The following BLM variants were observed in gnomAD, a reference collection of about 807,000 sequenced individuals.
BLM encodes the protein BLM RecQ like helicase.
A neutral mutation model predicts 135.3 loss-of-function variants in BLM; 95 were observed. That is an observed-to-expected ratio of 0.70 (90% confidence interval 0.59 to 0.83). The LOEUF (loss-of-function observed/expected upper bound fraction) is 0.83, where lower values mean the gene tolerates loss of function less well. BLM is among the 40% of genes least tolerant of loss of function. The probability of loss-of-function intolerance (pLI) is 0.00; values close to 1 mark genes in which losing one functional copy is unlikely to be tolerated. For synonymous variants in BLM, 520 were observed against 589.2 expected (o/e 0.88, Z 1.70); for missense variants, 1,518 against 1,663.9 (o/e 0.91, Z 1.53).
intron 19 of BLM, among the ~76,000 whole-genome samples, chr15:90,807,344 A>G (rs576534020): frequency 9.1e-4 from 138 of 152,264 alleles, no homozygotes; most frequent in Non-Finnish European, 1.7e-3. Flanking sequence ...GCGAGAAACT[A>G]TGGAATTGGG....
chr15:90,769,886 A>G (rs1896257805), intron 12 of BLM, among the ~76,000 whole-genome samples: 2 of 152,130 alleles, frequency 1.3e-5, no homozygotes, highest in Non-Finnish European at 2.9e-5. Context: ...GTAGGGATAA[A>G]TTGCATGCCA....
At chr15:90,790,465 A>G (rs1896875605) in intron 14 of BLM, 184 bp from the exon 15 acceptor site, 1 of 624,666 alleles carries the variant, frequency 1.6e-6, no homozygotes. Flanking sequence ...TGGCATTGCA[A>G]GTTATCAGTA....
intron 5 of BLM, among the ~76,000 whole-genome samples, chr15:90,756,755 G>C (rs1046008480): frequency 6.6e-6 from 1 of 152,186 alleles, no homozygotes; most frequent in African/African-American, 2.4e-5. Flanking sequence ...AGACACAAAA[G>C]ACTTGACTAT....
chr15:90,767,072 A>C (rs768315640), intron 10 of BLM, 49 bp downstream of exon 10: 1 of 1,204,810 alleles, frequency 8.3e-7, no homozygotes, highest in Non-Finnish European at 1.2e-6. Context: ...CCACTAGAAT[A>C]CATATATTTT....
intron 1 of BLM, among the ~76,000 whole-genome samples, chr15:90,722,128 G>A (rs1719100003): frequency 6.7e-6 from 1 of 149,782 alleles, no homozygotes; most frequent in Non-Finnish European, 1.5e-5. Context: ...CTTTTTTTTT[G>A]AGACAGAGTC....
chr15:90,747,496 T>G lies in BLM; in HGVS notation c.98+6T>G, dbSNP rs886051550. 1.4e-5 allele frequency: 22 copies of G among 1,573,828 alleles called. No homozygotes were observed. Among genetic ancestry groups the G allele is most frequent in the Non-Finnish European group, 1.7e-5 (19 of 1,148,590 alleles). On this transcript the variant is annotated splice_donor_region_variant and intron_variant, in intron 2 of 21. Transcript: ENST00000355112. ...CTTTCAAAACCAAAATTTTCGTAAG[T>G]GTTTTGACTGGTTTGCTGTCACATA...
rs754007141 is a variant in BLM, at chr15:90,767,023, G to T, written c.2307G>T (p.Lys769Asn). The T allele has an allele frequency of 1.3e-6, 2 of 1,505,518 alleles. No homozygotes were observed. The highest frequency in any genetic ancestry group is 4.5e-5 in the East Asian group (2 of 44,034). 93.3% of individuals were successfully genotyped at this position (1,505,518 alleles called of 1,614,324 possible). ...IIKLLYVTPE[K>N]ICASNRLIST... ...AACTTCTATATGTCACTCCAGAAAA[G>T]GTTTGTATTTATATCATTATTTTAA... is the stretch of plus-strand genomic sequence containing the variant. The change falls in exon 10 of 22, where the codon AAG becomes AAT. Residue 769 changes from lysine to asparagine, a missense_variant and splice_region_variant. Lys to Asn is a moderately conservative substitution (Grantham distance 94). Coordinates refer to ENST00000355112, the MANE Select transcript of BLM (RefSeq NM_000057.4).
At chr15:90,770,894 T>C (rs1323051185) in intron 12 of BLM, among the ~76,000 whole-genome samples, 1 of 152,376 alleles carries the variant, frequency 6.6e-6, no homozygotes, top group Non-Finnish European at 1.5e-5. Context: ...CAGGTTAAAC[T>C]GGCAGCTTCT....
chr15:90,727,401 G>A (rs890972144), intron 1 of BLM, among the ~76,000 whole-genome samples: 1 of 152,050 alleles, frequency 6.6e-6, no homozygotes, highest in African/African-American at 2.4e-5. Flanking sequence ...TAACTTGTAC[G>A]TGAATGAGCT....
intron 19 of BLM, among the ~76,000 whole-genome samples, 176 bp downstream of exon 19, chr15:90,804,535 C>T (rs1421652878): frequency 1.3e-5 from 2 of 152,148 alleles, no homozygotes; most frequent in Non-Finnish European, 2.9e-5. Context: ...ATGATCATGA[C>T]TCACTGCAGC....
At position 90,729,993 on chromosome 15, in the gene BLM, G is replaced by A. The variant is rs186816181; in HGVS notation, c.-5+12553G>A. Among the ~76,000 whole-genome samples, 214 of 151,968 alleles carry A rather than the reference G, an allele frequency of 1.4e-3. 7 individuals carry two copies. Among genetic ancestry groups the A allele is most frequent in the South Asian group, 2.9e-3 (14 of 4,788 alleles). On this transcript the variant is annotated intron_variant, in intron 1 of 21. Coordinates refer to ENST00000355112, the MANE Select transcript of BLM (RefSeq NM_000057.4). ...CCCAAGTAGCTGGGATTACAGGTACGCGCCACCATGACCACCTAATTTTTT... is the reference window on the plus strand; with the variant it reads ...CCCAAGTAGCTGGGATTACAGGTACACGCCACCATGACCACCTAATTTTTT...
chr15:90,778,222 G>A (rs1271296654), intron 12 of BLM, among the ~76,000 whole-genome samples: 4 of 152,096 alleles, frequency 2.6e-5, no homozygotes, highest in African/African-American at 7.2e-5. Context: ...ACAACTTTAT[G>A]TTCTAATCTC....
At position 90,765,413 on chromosome 15, in the gene BLM, A is replaced by T; in HGVS notation, c.2192A>T (p.Asp731Val). ...VDQVQKLTSLDIPATYLTGDK... is the reference protein window; with the variant it reads ...VDQVQKLTSLVIPATYLTGDK... ...CAAGTCCAAAAGCTGACTTCCTTGG[A>T]TGTAAGTTATAAAAATACTAATAAA... Residue 731 changes from aspartate to valine, a missense_variant and splice_region_variant, in exon 9 of 22, where the codon GAT becomes GTT. Asp to Val is a radical substitution (Grantham distance 152). This residue lies in a region of BLM where 626 missense variants were observed against 681.1 expected (regional missense o/e 0.92). Coordinates refer to ENST00000355112, the MANE Select transcript of BLM (RefSeq NM_000057.4). 6.3e-7 allele frequency: 1 copy of T among 1,584,938 alleles called. No individual in the cohort carries two copies. The highest frequency in any genetic ancestry group is 8.7e-7 in the Non-Finnish European group (1 of 1,153,888).
At chr15:90,747,273 C>T (rs1895527851) in intron 1 of BLM, 116 bp from the exon 2 acceptor site, 2 of 418,500 alleles carry the variant, frequency 4.8e-6, no homozygotes, top group South Asian at 1.9e-5. Context: ...AGTCCTATTA[C>T]TCTGGGCACA....
rs376547673 is a variant in BLM, at chr15:90,798,139, T to G, written c.3211-51T>G. ...TAGTTAATATTAAACCCTAGTAATC[T>G]AGGCATTGTTACCTTAATTATAGCA... is the stretch of plus-strand genomic sequence containing the variant. On this transcript the variant is annotated intron_variant, in intron 16 of 21. Coordinates refer to ENST00000355112, the MANE Select transcript of BLM (RefSeq NM_000057.4). 66 of 1,493,538 alleles carry G rather than the reference T, an allele frequency of 4.4e-5. No individual in the cohort carries two copies. The Middle Eastern group carries it at 1.5e-3, about 35-fold the overall frequency. 92.5% of individuals were successfully genotyped at this position (1,493,538 alleles called of 1,614,324 possible). A position where few individuals can be genotyped will look rare whatever the true frequency, so the allele number is the denominator to read the frequency against.
At chr15:90,790,431 T>C in intron 14 of BLM, 2 of 569,748 alleles carry the variant, frequency 3.5e-6, no homozygotes. Context: ...ATGCTGAGCT[T>C]CTCTTTACCT....
At chr15:90,778,518 T>C (rs554827329) in intron 12 of BLM, among the ~76,000 whole-genome samples, 1 of 152,306 alleles carries the variant, frequency 6.6e-6, no homozygotes, top group African/African-American at 2.4e-5. Context: ...CAGTTCAATC[T>C]CCTTTTCCCC....
At chr15:90,728,407 T>A (rs998728045) in intron 1 of BLM, among the ~76,000 whole-genome samples, 2 of 151,628 alleles carry the variant, frequency 1.3e-5, no homozygotes, top group East Asian at 3.9e-4. Context: ...TTTCTTTAAA[T>A]TTTTTTTGAG....
chr15:90,812,771 A>G (rs1897455423), intron 21 of BLM, among the ~76,000 whole-genome samples: 1 of 152,170 alleles, frequency 6.6e-6, no homozygotes, highest in Non-Finnish European at 1.5e-5. Flanking sequence ...ACATTACCAA[A>G]TTGTCATTTT....
Sources: allele counts gnomAD v4.1 joint callset (sites outside exome capture counted in the v4.1 genomes callset), GRCh38; gene constraint gnomAD v4.1.1; regional missense constraint gnomAD v4.1.1; transcripts MANE v1.5; gene names NCBI Gene and HGNC (gene_info 2026-07-23, HGNC 2026-07-21).